The following TPRG1 variants were observed in gnomAD, a reference collection of about 807,000 sequenced individuals.
The protein encoded by TPRG1 is tumor protein p63 regulated 1.
TPRG1 carries 29 observed loss-of-function variants against 29.3 expected under a neutral mutation model. That is an observed-to-expected ratio of 0.99 (90% confidence interval 0.74 to 1.35). The LOEUF is 1.35. TPRG1 is among the 40% of genes most tolerant of loss of function. TPRG1 has a pLI of 0.00. For missense variants in TPRG1, 327 were observed against 335.0 expected (o/e 0.98, Z 0.19); for synonymous variants, 130 against 116.8 (o/e 1.11, Z -0.73).
chr3:189,144,931 A>T (rs7643720), intron 3 of TPRG1, among the ~76,000 whole-genome samples: 49,601 of 152,132 alleles, frequency 0.33, 8,403 homozygotes, highest in Admixed American at 0.44. Flanking sequence ...CAGGTGAATA[A>T]AAATGACGCT....
At chr3:189,057,803 T>C (rs1319607042) in intron 4 of TPRG1, among the ~76,000 whole-genome samples, 1 of 144,906 alleles carries the variant, frequency 6.9e-6, no homozygotes, top group Non-Finnish European at 1.5e-5. Flanking sequence ...TGGGTATGTA[T>C]GTATATATAT....
intron 3 of TPRG1, among the ~76,000 whole-genome samples, chr3:189,223,551 C>A (rs1319285120): frequency 6.6e-6 from 1 of 152,172 alleles, no homozygotes; most frequent in Non-Finnish European, 1.5e-5. Flanking sequence ...ACAGTGAGGG[C>A]ACTTAGTTGC....
intron 1 of TPRG1, among the ~76,000 whole-genome samples, chr3:189,178,498 G>A (rs770026259): frequency 1.3e-5 from 2 of 152,216 alleles, no homozygotes; most frequent in Non-Finnish European, 2.9e-5. Flanking sequence ...CAGCCTGGGC[G>A]ATAGAGTGAG....
chr3:189,176,974 G>T (rs2108681150), intron 1 of TPRG1, among the ~76,000 whole-genome samples: 1 of 152,338 alleles, frequency 6.6e-6, no homozygotes, highest in South Asian at 2.1e-4. Flanking sequence ...TGTTTGAAAG[G>T]TATCCTTCTG....
intron 5 of TPRG1, among the ~76,000 whole-genome samples, chr3:189,154,471 T>C (rs1043917097): frequency 6.6e-6 from 1 of 151,776 alleles, no homozygotes; most frequent in Admixed American, 6.6e-5. Flanking sequence ...ACATGGAGTC[T>C]TGCACTGTCA....
At chr3:189,079,562 C>T (rs1717446544) in intron 4 of TPRG1, among the ~76,000 whole-genome samples, 1 of 151,972 alleles carries the variant, frequency 6.6e-6, no homozygotes, top group Admixed American at 6.6e-5. Context: ...TTAACATATA[C>T]TACTAATAAT....
intron 3 of TPRG1, among the ~76,000 whole-genome samples, chr3:189,216,273 T>A (rs1180815297): frequency 1.3e-5 from 2 of 152,220 alleles, no homozygotes; most frequent in Non-Finnish European, 2.9e-5. Flanking sequence ...GTGATTCCTA[T>A]ACCTTGAGTA....
chr3:189,244,807 T>C (rs1741142247), intron 4 of TPRG1, among the ~76,000 whole-genome samples: 1 of 152,172 alleles, frequency 6.6e-6, no homozygotes, highest in South Asian at 2.1e-4. Context: ...CCCTCTTTTT[T>C]CTCTTCTGTT....
rs751689409 is a variant in TPRG1, at chr3:189,125,813, TTGTGTGTGTGTGTGTGTG to T, written c.-743-1202_-743-1185del. 8.6e-3 allele frequency among the ~76,000 whole-genome samples: 1,071 copies of T among 124,148 alleles called. 7 individuals are homozygous for T. Among genetic ancestry groups the T allele is most frequent in the Admixed American group, 0.016 (197 of 12,228 alleles). 81.4% of individuals were successfully genotyped at this position (124,148 alleles called of 152,430 possible). A position where few individuals can be genotyped will look rare whatever the true frequency, so the allele number is the denominator to read the frequency against. ...TCAGAAGATGGAGCTGCAGGGTGTT[TTGTGTGTGTGTGTGTGTG>T]TGTGTGTGTGTGTGTGTGTGTGTGT... On this transcript the variant is annotated intron_variant, in intron 1 of 6. Transcript: ENST00000412373.
intron 4 of TPRG1, among the ~76,000 whole-genome samples, chr3:189,062,699 T>C (rs1012608195): frequency 6.6e-6 from 1 of 151,168 alleles, no homozygotes; most frequent in Non-Finnish European, 1.5e-5. Context: ...TGATAAGCCA[T>C]ATAATAAGCC....
intron 4 of TPRG1, among the ~76,000 whole-genome samples, chr3:189,060,581 T>TAAC (rs1716035545): frequency 6.6e-6 from 1 of 152,152 alleles, no homozygotes; most frequent in Non-Finnish European, 1.5e-5. Flanking sequence ...AGCTGATAAA[T>TAAC]AACTTCAATA....
chr3:189,284,267 T>G (rs1717655772), intron 4 of TPRG1, among the ~76,000 whole-genome samples: 1 of 151,960 alleles, frequency 6.6e-6, no homozygotes, highest in African/African-American at 2.4e-5. Flanking sequence ...TAGTTACCTA[T>G]GTATACATGT....
chr3:189,221,452 G>T (rs1271357981), intron 3 of TPRG1, among the ~76,000 whole-genome samples: 1 of 152,142 alleles, frequency 6.6e-6, no homozygotes, highest in Non-Finnish European at 1.5e-5. Context: ...ATGGCCAAGG[G>T]TTGCCTCTTT....
At chr3:188,998,249 G>A (rs568738298) in intron 1 of TPRG1, among the ~76,000 whole-genome samples, 167 of 152,290 alleles carry the variant, frequency 1.1e-3, no homozygotes, top group Non-Finnish European at 2.1e-3. Context: ...TTAAAATTGG[G>A]CATTAAGGAA....
At chr3:189,236,272 C>G (rs1739443954) in intron 3 of TPRG1, among the ~76,000 whole-genome samples, 1 of 152,122 alleles carries the variant, frequency 6.6e-6, no homozygotes, top group South Asian at 2.1e-4. Flanking sequence ...TAAAATACAT[C>G]TCATTATGGA....
chr3:189,019,238 A>C (rs572089561), intron 3 of TPRG1, among the ~76,000 whole-genome samples: 3 of 151,678 alleles, frequency 2.0e-5, no homozygotes, highest in African/African-American at 7.3e-5. Flanking sequence ...TCTCCTGCCT[A>C]ATTGCCCTGG....
At chr3:189,235,903 G>T (rs997901961) in intron 3 of TPRG1, among the ~76,000 whole-genome samples, 1 of 152,164 alleles carries the variant, frequency 6.6e-6, no homozygotes, top group African/African-American at 2.4e-5. Context: ...TTCTTGTGAA[G>T]ATTAAAGGAC....
chr3:189,276,818 T>G (rs1716227183), intron 4 of TPRG1, among the ~76,000 whole-genome samples: 2 of 152,180 alleles, frequency 1.3e-5, no homozygotes, highest in Non-Finnish European at 2.9e-5. Context: ...AGCTGCTTCC[T>G]TGGGAAGAGA....
At chr3:189,075,805 G>A (rs1026037712) in intron 4 of TPRG1, among the ~76,000 whole-genome samples, 2 of 152,086 alleles carry the variant, frequency 1.3e-5, no homozygotes, top group African/African-American at 4.8e-5. Flanking sequence ...TCCCTTTTAT[G>A]CACGGGGATA....
Sources: gnomAD v4.1 joint callset for allele counts (sites outside exome capture counted in the v4.1 genomes callset) on GRCh38, gnomAD v4.1.1 for gene constraint, MANE v1.5 for transcripts, NCBI Gene and HGNC (gene_info 2026-07-23, HGNC 2026-07-21) for gene names.